Variants in PRELID2 observed in about 807,000 individuals in gnomAD.
PRELID2 encodes PRELI domain containing 2.
Under a neutral mutation model 28.4 loss-of-function variants are expected in PRELID2, and 25 were observed. That is an observed-to-expected ratio of 0.88 (90% CI 0.64 to 1.23). The LOEUF is 1.23. Ranked by LOEUF, PRELID2 falls within the 50% of genes most tolerant of loss-of-function variation. The pLI is 0.00. For synonymous variants in PRELID2, 76 were observed against 71.6 expected (o/e 1.06, Z -0.31); for missense variants, 201 against 214.4 (o/e 0.94, Z 0.39).
At chr5:145,398,411 C>T in the PRELID2 span, among the ~76,000 whole-genome samples, 3 of 152,170 alleles carry the variant, frequency 2.0e-5, no homozygotes, top group South Asian at 4.1e-4. Context: ...AAATCAGTAA[C>T]ATACCTTTCT....
chr5:145,604,750 T>TGG, intron 1 of PRELID2, among the ~76,000 whole-genome samples: 1 of 98,060 alleles, frequency 1.0e-5, no homozygotes, highest in African/African-American at 7.5e-5. Context: ...TTTTTTTGGT[T>TGG]TTTTTTTTTT....
chr5:145,678,003 C>T (rs771246470), intron 1 of PRELID2, among the ~76,000 whole-genome samples: 1 of 152,162 alleles, frequency 6.6e-6, no homozygotes, highest in Non-Finnish European at 1.5e-5. Context: ...GTCAGTGCAA[C>T]ATGCTAACTA....
the PRELID2 span, among the ~76,000 whole-genome samples, chr5:145,358,684 T>C: frequency 1.1e-4 from 16 of 152,230 alleles, no homozygotes; most frequent in East Asian, 3.1e-3. Context: ...ACCCAAAAGA[T>C]AAAATCCAAT....
At chr5:145,425,316 A>G in the PRELID2 span, among the ~76,000 whole-genome samples, 1 of 152,214 alleles carries the variant, frequency 6.6e-6, no homozygotes, top group African/African-American at 2.4e-5. Flanking sequence ...GGAAGTGTAA[A>G]TTTATTCAAC....
chr5:145,531,285 T>G (rs991817761), intron 1 of PRELID2, among the ~76,000 whole-genome samples: 3 of 152,140 alleles, frequency 2.0e-5, no homozygotes, highest in African/African-American at 7.2e-5. Context: ...GCCTTGACTG[T>G]TCTGACACAG....
chr5:145,329,134 T>C, the PRELID2 span, among the ~76,000 whole-genome samples: 1 of 152,204 alleles, frequency 6.6e-6, no homozygotes, highest in Non-Finnish European at 1.5e-5. Context: ...CATTGGTCTA[T>C]ATATCTGTTT....
At chr5:145,485,801 C>A (rs1006993558) in intron 1 of PRELID2, among the ~76,000 whole-genome samples, 1 of 152,032 alleles carries the variant, frequency 6.6e-6, no homozygotes, top group African/African-American at 2.4e-5. Context: ...TGGTTATCAC[C>A]CAGGGAAGTA....
chr5:145,670,624 T>G (rs965512656), intron 1 of PRELID2, among the ~76,000 whole-genome samples: 2 of 152,120 alleles, frequency 1.3e-5, no homozygotes, highest in African/African-American at 4.8e-5. Flanking sequence ...TGCCTTAGCC[T>G]CTTCACTACT....
At chr5:145,425,887 A>G in the PRELID2 span, among the ~76,000 whole-genome samples, 2 of 152,192 alleles carry the variant, frequency 1.3e-5, no homozygotes, top group South Asian at 2.1e-4. Flanking sequence ...TAAAAAACCA[A>G]CTATGCCTTC....
chr5:145,650,066 A>C (rs952352884), intron 1 of PRELID2, among the ~76,000 whole-genome samples: 4 of 152,220 alleles, frequency 2.6e-5, no homozygotes, highest in Non-Finnish European at 5.9e-5. Context: ...TCACACAGTG[A>C]GATCATTCAA....
the PRELID2 span, among the ~76,000 whole-genome samples, chr5:145,256,365 T>C: frequency 6.6e-6 from 1 of 152,174 alleles, no homozygotes; most frequent in African/African-American, 2.4e-5. Flanking sequence ...GAGTCACTTC[T>C]ATGTCTGTTT....
the PRELID2 span, among the ~76,000 whole-genome samples, chr5:145,395,160 G>C: frequency 6.6e-6 from 1 of 151,944 alleles, no homozygotes; most frequent in Non-Finnish European, 1.5e-5. Context: ...ATAAATACTG[G>C]TGTCATCTAT....
chr5:145,471,063 G>A (rs543038273), downstream of PRELID2, among the ~76,000 whole-genome samples: 10 of 152,158 alleles, frequency 6.6e-5, no homozygotes, highest in South Asian at 2.1e-3. Flanking sequence ...TATTAATCAA[G>A]GCTGCCAGCT....
chr5:145,415,399 A>C, the PRELID2 span, among the ~76,000 whole-genome samples: 4 of 151,660 alleles, frequency 2.6e-5, no homozygotes, highest in African/African-American at 9.7e-5. Flanking sequence ...ATCATTTAGC[A>C]TTAGGTATAT....
At chr5:145,766,862 G>A (rs1459026434) in intron 5 of PRELID2, among the ~76,000 whole-genome samples, 1 of 152,082 alleles carries the variant, frequency 6.6e-6, no homozygotes, top group East Asian at 1.9e-4. Flanking sequence ...CATTACTAAG[G>A]GGAGTCACAA....
At chr5:145,821,845 C>A (rs1161699571) in intron 2 of PRELID2, among the ~76,000 whole-genome samples, 1 of 152,174 alleles carries the variant, frequency 6.6e-6, no homozygotes, top group Non-Finnish European at 1.5e-5. Context: ...TTCCTAACAA[C>A]CTAAAAACAA....
chr5:145,664,577 A>C (rs1401903318), intron 1 of PRELID2, among the ~76,000 whole-genome samples: 2 of 151,982 alleles, frequency 1.3e-5, no homozygotes, highest in East Asian at 3.9e-4. Flanking sequence ...CTTAACTCTA[A>C]AGCTCCCGCT....
chr5:145,463,950 T>G, the PRELID2 span, among the ~76,000 whole-genome samples: 1 of 152,172 alleles, frequency 6.6e-6, no homozygotes, highest in Non-Finnish European at 1.5e-5. Flanking sequence ...CTTGTTCTGA[T>G]CAACAGGACA....
At chr5:145,696,156 C>CTTT (rs10591669) in intron 1 of PRELID2, among the ~76,000 whole-genome samples, 2,102 of 59,946 alleles carry the variant, frequency 0.035, 116 homozygotes, top group African/African-American at 0.095. Flanking sequence ...TAAATAATAG[C>CTTT]TTTTTTTTTT....
Sources: gnomAD v4.1 joint callset for allele counts (sites outside exome capture counted in the v4.1 genomes callset) on GRCh38, gnomAD v4.1.1 for gene constraint, MANE v1.5 for transcripts, NCBI Gene and HGNC (gene_info 2026-07-23, HGNC 2026-07-21) for gene names.